The following SOS2 variants were observed in gnomAD, a reference collection of about 807,000 sequenced individuals.
SOS2 encodes SOS Ras/Rho guanine nucleotide exchange factor 2, also known as son of sevenless homolog 2.
A neutral mutation model predicts 148.2 loss-of-function variants in SOS2; 65 were observed. The ratio of observed to expected loss-of-function variants is 0.44; its 90% CI spans 0.36 to 0.54. The LOEUF (loss-of-function observed/expected upper bound fraction) is 0.54. Among genes scored for constraint, SOS2 ranks in the 20% least tolerant of loss-of-function variants. The pLI is 0.00. For synonymous variants in SOS2, 539 were observed against 537.1 expected, an observed-to-expected ratio of 1.00 and a Z score of -0.05; for missense variants, 1,341 against 1,590.2, an observed-to-expected ratio of 0.84 and a Z score of 2.67.
At chr14:50,178,271 T>C (rs540720801) in intron 7 of SOS2, among the ~76,000 whole-genome samples, 5 of 152,244 alleles carry the variant, frequency 3.3e-5, no homozygotes, top group Non-Finnish European at 5.9e-5. Context: ...GGAGATCTAG[T>C]TGTTTAAAAG....
rs751943964 is a variant in SOS2, at chr14:50,157,135, CA to C, written c.1935-15del. The stretch of plus-strand genomic sequence containing the variant: ...GGAATTTCAAACCTAAGAAGAAAAG[CA>C]AAAGGAGAAAAATCCGTTCATACAT... On this transcript the variant is annotated splice_polypyrimidine_tract_variant and intron_variant, in intron 11 of 22. Coordinates refer to ENST00000216373, the MANE Select transcript of SOS2 (RefSeq NM_006939.4). 2 of 1,605,328 alleles carry C rather than the reference CA, an allele frequency of 1.2e-6. No individual in the cohort carries two copies. Among genetic ancestry groups the C allele is most frequent in the Non-Finnish European group, 8.5e-7 (1 of 1,176,208 alleles).
At chr14:50,169,116 A>G (rs1024912701) in intron 8 of SOS2, among the ~76,000 whole-genome samples, 1 of 151,922 alleles carries the variant, frequency 6.6e-6, no homozygotes, top group African/African-American at 2.4e-5. Flanking sequence ...GTTTGAGACT[A>G]GCCTGACCAA....
intron 1 of SOS2, among the ~76,000 whole-genome samples, chr14:50,218,614 T>C (rs1454846215): frequency 2.0e-5 from 3 of 151,592 alleles, no homozygotes; most frequent in Non-Finnish European, 4.4e-5. Flanking sequence ...AAAGAAGATA[T>C]ATGGAAGGCA....
chr14:50,190,351 T>C (rs1283316758), intron 4 of SOS2, among the ~76,000 whole-genome samples: 1 of 152,206 alleles, frequency 6.6e-6, no homozygotes, highest in Admixed American at 6.5e-5. Flanking sequence ...TATTCATTCA[T>C]TCATTCTGAA....
intron 21 of SOS2, among the ~76,000 whole-genome samples, chr14:50,120,621 T>C (rs951102348): frequency 3.9e-5 from 6 of 152,130 alleles, no homozygotes; most frequent in African/African-American, 1.2e-4. Context: ...GAAGGTGTAC[T>C]ATTTAATTAT....
intron 8 of SOS2, among the ~76,000 whole-genome samples, chr14:50,164,786 T>A (rs567722119): frequency 6.6e-6 from 1 of 152,340 alleles, no homozygotes; most frequent in African/African-American, 2.4e-5. Context: ...ACAGTTGAAA[T>A]GCTTCCTCTT....
chr14:50,156,950 T>A, intron 12 of SOS2, 49 bp downstream of exon 12: 1 of 919,530 alleles, frequency 1.1e-6, no homozygotes, highest in Non-Finnish European at 1.7e-6. Context: ...TGTGTGTGTG[T>A]GTATATATAT....
At chr14:50,173,476 C>A (rs1254914037) in intron 8 of SOS2, among the ~76,000 whole-genome samples, 1 of 151,872 alleles carries the variant, frequency 6.6e-6, no homozygotes, top group Non-Finnish European at 1.5e-5. Context: ...GGCTGGAGTG[C>A]AGTGGCACAA....
chr14:50,231,131 C>T, intron 1 of SOS2, 66 bp downstream of exon 1: 1 of 1,015,444 alleles, frequency 9.8e-7, no homozygotes, highest in Admixed American at 3.2e-5. Context: ...GAGGGACGAC[C>T]TGCTCCCCGT....
intron 1 of SOS2, among the ~76,000 whole-genome samples, chr14:50,217,834 T>C (rs1317239488): frequency 2.0e-5 from 3 of 152,068 alleles, no homozygotes; most frequent in African/African-American, 7.2e-5. Flanking sequence ...CGGGCGCCTG[T>C]AGTCCCAGCT....
chr14:50,197,231 G>A (rs1043033601), intron 4 of SOS2, among the ~76,000 whole-genome samples: 1 of 152,076 alleles, frequency 6.6e-6, no homozygotes, highest in Non-Finnish European at 1.5e-5. Flanking sequence ...TTAAATTTGA[G>A]TGTGATAAAG....
intron 21 of SOS2, among the ~76,000 whole-genome samples, chr14:50,125,582 T>G (rs376799345): frequency 3.6e-4 from 40 of 110,514 alleles, no homozygotes; most frequent in East Asian, 3.0e-3. Context: ...ATAATGTATA[T>G]GGAGACAGAT....
chr14:50,165,088 C>T, intron 8 of SOS2, among the ~76,000 whole-genome samples: 1 of 152,082 alleles, frequency 6.6e-6, no homozygotes, highest in Non-Finnish European at 1.5e-5. Flanking sequence ...ACAAATTACT[C>T]TCAAATAGTA....
intron 1 of SOS2, among the ~76,000 whole-genome samples, chr14:50,227,911 G>A (rs147275307): frequency 1.1e-3 from 160 of 152,160 alleles, no homozygotes; most frequent in African/African-American, 3.7e-3. Context: ...AGCCAAAACT[G>A]GAAAATAAGC....
intron 21 of SOS2, 115 bp downstream of exon 21, chr14:50,129,846 A>C (rs1883810118): frequency 1.6e-6 from 1 of 625,496 alleles, no homozygotes; most frequent in South Asian, 2.1e-5. Context: ...AATTAAATTT[A>C]TTTATAACTT....
intron 10 of SOS2, 88 bp from the exon 11 acceptor site, chr14:50,158,734 T>C: frequency 6.3e-6 from 5 of 795,720 alleles, no homozygotes; most frequent in Non-Finnish European, 1.0e-5. Flanking sequence ...CCTTCCTCCC[T>C]TTTTCTTTTT....
rs145848231 is a variant in SOS2 at position 50,188,511 on chromosome 14, G to C, written c.700C>G (p.Leu234Val). The change falls in exon 5 of 23, where the codon CTG (leucine) becomes GTG (valine). Residue 234 changes from leucine to valine, a missense_variant. Leu to Val is a conservative substitution (Grantham distance 32). Coordinates refer to ENST00000216373, the MANE Select transcript of SOS2 (RefSeq NM_006939.4). ...FREAFLSDRK[L>V]FKPSDIEKIF... ...AAGGTACTTACAGAAGGTTTAAACAGCTTTCTATCAGAAAGAAAGGCTTCT... is the reference window on the plus strand; with the variant it reads ...AAGGTACTTACAGAAGGTTTAAACACCTTTCTATCAGAAAGAAAGGCTTCT... The C allele has an allele frequency of 6.3e-7, 1 of 1,598,456 alleles. No individual in the cohort carries two copies. Among genetic ancestry groups the C allele is most frequent in the South Asian group, 1.1e-5 (1 of 88,418 alleles).
chr14:50,142,615 T>A (rs1028449282), intron 16 of SOS2, among the ~76,000 whole-genome samples: 1 of 152,226 alleles, frequency 6.6e-6, no homozygotes, highest in Non-Finnish European at 1.5e-5. Context: ...ATCACAAATG[T>A]TCTTCCACAA....
chr14:50,226,072 T>C (rs1285996310), intron 1 of SOS2, among the ~76,000 whole-genome samples: 2 of 152,008 alleles, frequency 1.3e-5, no homozygotes, highest in Non-Finnish European at 2.9e-5. Context: ...ACTTCCTTAT[T>C]GTCTGTCTCT....
Sources: gnomAD v4.1 joint callset for allele counts (sites outside exome capture counted in the v4.1 genomes callset) on GRCh38, gnomAD v4.1.1 for gene constraint, MANE v1.5 for transcripts, NCBI Gene and HGNC (gene_info 2026-07-23, HGNC 2026-07-21) for gene names.